Variants in BCL2L14 observed in about 807,000 individuals in gnomAD.
The protein encoded by BCL2L14 is apoptosis facilitator Bcl-2-like protein 14.
Under a neutral mutation model 35.3 loss-of-function variants are expected in BCL2L14, and 27 were observed. The observed-to-expected ratio is 0.76, with a 90% CI of 0.56 to 1.05. The LOEUF is 1.05. BCL2L14 is among the 50% of genes least tolerant of loss of function. The pLI, the probability that BCL2L14 is intolerant of heterozygous loss-of-function variation, is 0.00. For synonymous variants in BCL2L14, 139 were observed against 145.9 expected, an observed-to-expected ratio of 0.95 and a Z score of 0.34; for missense variants, 377 against 382.6, an observed-to-expected ratio of 0.99 and a Z score of 0.12.
Position 12,062,669 on chromosome 12 carries a change from T to G in BCL2L14, c.-272+10822T>G, listed in dbSNP as rs1948543165. On this transcript the variant is annotated intron_variant, in intron 2 of 3. Coordinates refer to the BCL2L14 transcript ENST00000461264. ...AATACCTCTTAGTCTAGGTAGACACTTTCACTAGATAGGAAGAGGCCTTTC... is the reference window on the plus strand; with the variant it reads ...AATACCTCTTAGTCTAGGTAGACACGTTCACTAGATAGGAAGAGGCCTTTC... Among the ~76,000 whole-genome samples, 4 of 152,102 alleles carry G rather than the reference T, an allele frequency of 2.6e-5. No homozygotes were observed. In the South Asian group the frequency reaches 8.3e-4, roughly 32 times the overall value.
chr12:12,093,085 G>T (rs372185310), intron 4 of BCL2L14, among the ~76,000 whole-genome samples: 94 of 152,290 alleles, frequency 6.2e-4, no homozygotes, highest in African/African-American at 2.1e-3. Flanking sequence ...AGAAGAGGCA[G>T]CATTGATTTT....
At chr12:12,086,070 T>G (rs1949036384) in intron 2 of BCL2L14, among the ~76,000 whole-genome samples, 1 of 152,102 alleles carries the variant, frequency 6.6e-6, no homozygotes, top group Non-Finnish European at 1.5e-5. Flanking sequence ...TCCTAGCACT[T>G]TGGGAGGCTG....
At chr12:12,065,089 C>G (rs1047110756) in intron 2 of BCL2L14, among the ~76,000 whole-genome samples, 1 of 151,898 alleles carries the variant, frequency 6.6e-6, no homozygotes, top group Non-Finnish European at 1.5e-5. Flanking sequence ...ATTAGACTGA[C>G]GAAAGATAGA....
chr12:12,057,135 G>T (rs1430840073), intron 2 of BCL2L14, among the ~76,000 whole-genome samples: 1 of 152,056 alleles, frequency 6.6e-6, no homozygotes, highest in Admixed American at 6.6e-5. Flanking sequence ...AAGAAATACC[G>T]AAATAAATTT....
At chr12:12,085,013 G>A (rs1412399936) in intron 2 of BCL2L14, among the ~76,000 whole-genome samples, 1 of 149,082 alleles carries the variant, frequency 6.7e-6, no homozygotes, top group African/African-American at 2.5e-5. Flanking sequence ...GAACCCAGAA[G>A]GTGGAGGTTG....
At chr12:12,095,029 C>A in intron 5 of BCL2L14, 99 bp downstream of exon 5, 1 of 1,478,762 alleles carries the variant, frequency 6.8e-7, no homozygotes, top group Non-Finnish European at 8.9e-7. Context: ...ATCTATGAAG[C>A]AGTTCTCATG....
chr12:12,086,701 C>A (rs1949049898), intron 2 of BCL2L14, among the ~76,000 whole-genome samples: 1 of 152,212 alleles, frequency 6.6e-6, no homozygotes, highest in Non-Finnish European at 1.5e-5. Flanking sequence ...TAGGTGTTCA[C>A]TTGATAATGG....
chr12:12,083,840 C>T (rs567593190), intron 2 of BCL2L14, among the ~76,000 whole-genome samples: 2 of 152,226 alleles, frequency 1.3e-5, no homozygotes, highest in African/African-American at 2.4e-5. Context: ...CTCAGCTACT[C>T]GAGAGGCTGA....
chr12:12,098,271 C>G (rs2136790666), intron 5 of BCL2L14, among the ~76,000 whole-genome samples: 1 of 152,290 alleles, frequency 6.6e-6, no homozygotes, highest in Non-Finnish European at 1.5e-5. Context: ...AATCTAGTCC[C>G]ATGCACAAGC....
At chr12:12,059,767 T>C (rs529515298) in intron 2 of BCL2L14, among the ~76,000 whole-genome samples, 15 of 152,224 alleles carry the variant, frequency 9.9e-5, no homozygotes, top group Admixed American at 9.8e-4. Flanking sequence ...AATCTAAGTG[T>C]CTTATTTTCT....
chr12:12,085,021 T>A (rs1591828001), intron 2 of BCL2L14, among the ~76,000 whole-genome samples: 1 of 141,720 alleles, frequency 7.1e-6, no homozygotes, highest in Admixed American at 7.2e-5. Flanking sequence ...AAGGTGGAGG[T>A]TGCAGCGAGC....
intron 2 of BCL2L14, among the ~76,000 whole-genome samples, chr12:12,059,339 C>T (rs878864040): frequency 6.6e-6 from 1 of 152,018 alleles, no homozygotes; most frequent in East Asian, 1.9e-4. Context: ...ACCCCTTATC[C>T]TTCACCCTTA....
chr12:12,098,873 CAG>C, intron 5 of BCL2L14, 75 bp from the exon 6 acceptor site: 1 of 1,057,150 alleles, frequency 9.5e-7, no homozygotes, highest in Non-Finnish European at 1.5e-6. Flanking sequence ...TGGGATAGAG[CAG>C]AGTTAGCAGC....
chr12:12,082,808 C>T (rs568068616), intron 2 of BCL2L14, among the ~76,000 whole-genome samples: 9 of 152,308 alleles, frequency 5.9e-5, no homozygotes, highest in East Asian at 1.9e-4. Flanking sequence ...TTTCTCCTCA[C>T]GCTTGCATTT....
intron 2 of BCL2L14, among the ~76,000 whole-genome samples, chr12:12,059,196 C>T (rs1565440869): frequency 1.3e-5 from 2 of 152,208 alleles, no homozygotes; most frequent in South Asian, 2.1e-4. Flanking sequence ...TGTCAGACCA[C>T]ACAGGGACGC....
intron 4 of BCL2L14, among the ~76,000 whole-genome samples, 176 bp downstream of exon 4, chr12:12,091,025 T>A (rs1949178292): frequency 6.6e-6 from 1 of 152,230 alleles, no homozygotes; most frequent in Non-Finnish European, 1.5e-5. Context: ...ATCTCAAAAA[T>A]GAGTCACTTT....
In BCL2L14 at chr12:12,099,350, A is replaced by C. The variant is rs914646177; in HGVS notation, c.*362A>C. On this transcript the variant is annotated 3_prime_UTR_variant, in exon 6 of 6. Transcript: ENST00000308721. ...GTCTGCTGACCTCACAAGAGTGAAA[A>C]GATAAACTGTGCATGTGTTTCCACT... 8.4e-6 allele frequency: 2 copies of C among 239,224 alleles called. No homozygotes were observed. Among genetic ancestry groups the C allele is most frequent in the Admixed American group, 1.1e-4 (2 of 18,554 alleles). 14.8% of individuals were successfully genotyped at this position (239,224 alleles called of 1,614,324 possible). A position where few individuals can be genotyped will look rare whatever the true frequency, so the allele number is the denominator to read the frequency against.
chr12:12,078,247 A>G (rs1273192651), intron 1 of BCL2L14, among the ~76,000 whole-genome samples: 5 of 152,196 alleles, frequency 3.3e-5, no homozygotes, highest in Admixed American at 2.0e-4. Flanking sequence ...AAATATAGCA[A>G]GAAAAAAGAA....
intron 1 of BCL2L14, among the ~76,000 whole-genome samples, chr12:12,073,981 C>A (rs78219011): frequency 0.039 from 5,871 of 152,146 alleles, 138 homozygotes; most frequent in Middle Eastern, 0.061. Context: ...AACAGCTTCC[C>A]CTCCTAGGGT....
Sources: allele counts gnomAD v4.1 joint callset (sites outside exome capture counted in the v4.1 genomes callset), GRCh38; gene constraint gnomAD v4.1.1; transcripts MANE v1.5; gene names NCBI Gene and HGNC (gene_info 2026-07-23, HGNC 2026-07-21).